The following SHTN1 variants were observed in gnomAD, a reference collection of about 807,000 sequenced individuals.
SHTN1 encodes shootin 1, also known as shootin-1.
In SHTN1, 42 loss-of-function variants were observed where a neutral mutation model predicts 83.1. The ratio of observed to expected loss-of-function variants is 0.51; its 90% confidence interval spans 0.39 to 0.65. The LOEUF (loss-of-function observed/expected upper bound fraction) is 0.65. Ranked by LOEUF, SHTN1 falls within the 30% of genes least tolerant of loss-of-function variation. The pLI is 0.00. For synonymous variants in SHTN1, 224 were observed against 247.7 expected (o/e 0.90, Z 0.90); for missense variants, 622 against 737.8 (o/e 0.84, Z 1.82).
Position 116,979,291 on chromosome 10 carries a change from C to A in SHTN1, c.76G>T (p.Asp26Tyr). ...GTTTTCTGGTTCTCTGCTCTAAGGT[C>A]TTCATATTCGCCTATTGCTAAAAGA... is the stretch of plus-strand genomic sequence containing the variant. ...LKEQAIGEYEDLRAENQKTKE... is the reference protein window; with the variant it reads ...LKEQAIGEYEYLRAENQKTKE... Residue 26 changes from aspartate to tyrosine, a missense_variant, in exon 2 of 17, where the codon GAC becomes TAC. Transcript: ENST00000355371. 3 of 1,613,832 alleles carry A rather than the reference C, an allele frequency of 1.9e-6. No individual in the cohort carries two copies. The highest frequency in any genetic ancestry group is 1.7e-6 in the Non-Finnish European group (2 of 1,179,848).
rs541272755 is a variant in SHTN1 at position 117,030,393 on chromosome 10, C to T, written c.-123+18052G>A. On this transcript the variant is annotated intron_variant, in intron 2 of 17. Transcript: ENST00000392901. Reference sequence around the variant, plus strand: ...CTTTCCCAAGAAGGACAGGTATAAACAAGCCCAGATTGAGAAGACTACAAT... The same window carrying T: ...CTTTCCCAAGAAGGACAGGTATAAATAAGCCCAGATTGAGAAGACTACAAT... Among the ~76,000 whole-genome samples the T allele has an allele frequency of 5.9e-5, 9 of 152,188 alleles. No individual in the cohort carries two copies. In the South Asian group the frequency reaches 1.9e-3, roughly 32 times the overall value.
intron 16 of SHTN1, among the ~76,000 whole-genome samples, chr10:116,898,725 TTTC>T (rs1210023996): frequency 1.4e-4 from 22 of 152,280 alleles, no homozygotes; most frequent in Non-Finnish European, 2.4e-4. Flanking sequence ...TTCCTTTCTT[TTTC>T]TTCTTTTTTC....
chr10:117,017,187 T>C (rs1181929577), intron 2 of SHTN1, among the ~76,000 whole-genome samples: 1 of 151,848 alleles, frequency 6.6e-6, no homozygotes, highest in Non-Finnish European at 1.5e-5. Flanking sequence ...TTAGAAAAAT[T>C]TGAGCAACAA....
intron 11 of SHTN1, among the ~76,000 whole-genome samples, chr10:116,924,914 C>T (rs922540877): frequency 6.6e-6 from 1 of 152,004 alleles, no homozygotes; most frequent in Non-Finnish European, 1.5e-5. Flanking sequence ...CCCACCACGC[C>T]TGGCTAATTT....
chr10:117,053,548 A>G (rs1852779019), intron 1 of SHTN1, among the ~76,000 whole-genome samples: 2 of 152,226 alleles, frequency 1.3e-5, no homozygotes, highest in Non-Finnish European at 2.9e-5. Context: ...AATTCAAAAT[A>G]AAACTACAAT....
intron 9 of SHTN1, among the ~76,000 whole-genome samples, chr10:116,937,355 T>C (rs948524801): frequency 2.0e-5 from 3 of 152,226 alleles, no homozygotes; most frequent in Non-Finnish European, 4.4e-5. Flanking sequence ...AAGGCAGGGC[T>C]GGCGGTGACA....
At chr10:117,061,007 G>A (rs1000962482) in intron 1 of SHTN1, among the ~76,000 whole-genome samples, 1 of 152,054 alleles carries the variant, frequency 6.6e-6, no homozygotes, top group East Asian at 1.9e-4. Context: ...AATCCAATTG[G>A]GAAGAAACAA....
intron 11 of SHTN1, among the ~76,000 whole-genome samples, chr10:116,922,790 C>A (rs988732517): frequency 6.6e-6 from 1 of 152,014 alleles, no homozygotes; most frequent in Non-Finnish European, 1.5e-5. Flanking sequence ...CATGGCAAAA[C>A]CCTGTCTCTA....
intron 16 of SHTN1, among the ~76,000 whole-genome samples, chr10:116,891,757 T>C (rs900580803): frequency 6.6e-6 from 1 of 152,046 alleles, no homozygotes; most frequent in Non-Finnish European, 1.5e-5. Context: ...TTTAATACAC[T>C]TGTCCAAAAC....
intron 6 of SHTN1, 149 bp from the exon 7 acceptor site, chr10:116,949,146 T>A: frequency 1.2e-6 from 1 of 820,810 alleles, no homozygotes; most frequent in Non-Finnish European, 1.7e-6. Context: ...GACTTTTTAT[T>A]AAAGCTCTTC....
At chr10:117,085,882 T>G (rs1853342882) in intron 1 of SHTN1, among the ~76,000 whole-genome samples, 1 of 152,010 alleles carries the variant, frequency 6.6e-6, no homozygotes, top group Non-Finnish European at 1.5e-5. Context: ...TATTTATCCC[T>G]GATAATTTTC....
intron 9 of SHTN1, among the ~76,000 whole-genome samples, chr10:116,936,682 C>T (rs1316423513): frequency 6.6e-6 from 1 of 152,078 alleles, no homozygotes; most frequent in Non-Finnish European, 1.5e-5. Context: ...TCTATTAGGT[C>T]TGCTTGGTCC....
intron 1 of SHTN1, among the ~76,000 whole-genome samples, chr10:117,108,545 T>A (rs2133636547): frequency 9.4e-6 from 1 of 106,550 alleles, no homozygotes; most frequent in South Asian, 3.3e-4. Context: ...CATCACACAC[T>A]GGGGCCTGTC....
intron 1 of SHTN1, among the ~76,000 whole-genome samples, chr10:116,999,355 C>T (rs1488184445): frequency 6.6e-6 from 1 of 152,152 alleles, no homozygotes; most frequent in Non-Finnish European, 1.5e-5. Context: ...CAGTAGTTAA[C>T]TTTGGGAAAT....
chr10:117,092,379 C>G (rs1038590528), intron 1 of SHTN1, among the ~76,000 whole-genome samples: 7 of 152,202 alleles, frequency 4.6e-5, no homozygotes, highest in African/African-American at 1.7e-4. Context: ...CTCTAGATGA[C>G]CAAGCTACAA....
At chr10:116,962,041 TCC>T (rs397845285) in intron 3 of SHTN1, among the ~76,000 whole-genome samples, 2 of 134,410 alleles carry the variant, frequency 1.5e-5, no homozygotes, top group African/African-American at 5.7e-5. Context: ...GTGTTGAAGC[TCC>T]CCCCCCCTTC....
intron 2 of SHTN1, among the ~76,000 whole-genome samples, chr10:117,019,091 A>G (rs778638977): frequency 6.6e-6 from 1 of 151,932 alleles, no homozygotes; most frequent in Non-Finnish European, 1.5e-5. Flanking sequence ...ATTATAAAAA[A>G]TTACTTGTAT....
chr10:117,085,777 G>T (rs1458319532), intron 1 of SHTN1, among the ~76,000 whole-genome samples: 1 of 152,032 alleles, frequency 6.6e-6, no homozygotes, highest in African/African-American at 2.4e-5. Context: ...CTCAGTTTTT[G>T]CCTCATGTAG....
rs748759201 is a variant in SHTN1 at position 116,911,822 on chromosome 10, C to T, written c.1327G>A (p.Glu443Lys). The change falls in exon 14 of 17, where the codon GAA becomes AAA. Residue 443 changes from glutamate to lysine, a missense_variant. Transcript: ENST00000355371. ...KTKPESSKGCESAVDELKGIL... is the reference protein window; with the variant it reads ...KTKPESSKGCKSAVDELKGIL... ...CCTTTTAGTTCATCCACTGCACTTTCGCAGCCTTTCGAAGATTCTGGCTAT... is the reference window on the plus strand; with the variant it reads ...CCTTTTAGTTCATCCACTGCACTTTTGCAGCCTTTCGAAGATTCTGGCTAT... 1.9e-5 allele frequency: 31 copies of T among 1,612,582 alleles called. 1 individual carries two copies. The highest frequency in any genetic ancestry group is 1.6e-4 in the South Asian group (15 of 91,038).
Sources: gnomAD v4.1 joint callset for allele counts (sites outside exome capture counted in the v4.1 genomes callset) on GRCh38, gnomAD v4.1.1 for gene constraint, MANE v1.5 for transcripts, NCBI Gene and HGNC (gene_info 2026-07-23, HGNC 2026-07-21) for gene names.